PID1: variants seen among roughly 807,000 people sequenced by gnomAD.
The protein encoded by PID1 is PTB-containing, cubilin and LRP1-interacting protein.
In PID1, 10 loss-of-function variants were observed where a neutral mutation model predicts 19.1. That is an observed-to-expected ratio of 0.52 (90% CI 0.32 to 0.89). The LOEUF (loss-of-function observed/expected upper bound fraction) is 0.89. Among genes scored for constraint, PID1 ranks in the 40% least tolerant of loss-of-function variants. PID1 has a pLI of 0.03. For missense variants in PID1, 248 were observed against 285.3 expected (o/e 0.87, Z 0.94); for synonymous variants, 130 against 116.0 (o/e 1.12, Z -0.78).
intron 2 of PID1, among the ~76,000 whole-genome samples, chr2:229,035,441 T>C (rs1299673588): frequency 6.6e-6 from 1 of 151,988 alleles, no homozygotes; most frequent in African/African-American, 2.4e-5. Context: ...TCTCTCTCTC[T>C]CCCTCTCCAC....
intron 2 of PID1, among the ~76,000 whole-genome samples, chr2:229,079,301 A>G (rs1694624680): frequency 6.6e-6 from 1 of 152,214 alleles, no homozygotes; most frequent in African/African-American, 2.4e-5. Context: ...TTTATTCAAA[A>G]TATTTATTCA....
chr2:229,059,541 A>C (rs1694168966), intron 2 of PID1, among the ~76,000 whole-genome samples: 1 of 152,198 alleles, frequency 6.6e-6, no homozygotes, highest in Admixed American at 6.5e-5. Flanking sequence ...CCACAGTCTA[A>C]GGGATGCCAC....
intron 1 of PID1, among the ~76,000 whole-genome samples, chr2:229,261,002 C>T (rs1023922028): frequency 4.6e-5 from 7 of 151,962 alleles, no homozygotes; most frequent in Non-Finnish European, 7.4e-5. Context: ...AAGGTGGGCT[C>T]AACCACTAAC....
intron 2 of PID1, among the ~76,000 whole-genome samples, chr2:229,072,733 T>C (rs1443336192): frequency 6.6e-6 from 1 of 152,260 alleles, no homozygotes; most frequent in Non-Finnish European, 1.5e-5. Context: ...TGTGCTTCGC[T>C]GTTTTCAAAG....
At chr2:229,170,346 C>G (rs1690686769) in intron 1 of PID1, among the ~76,000 whole-genome samples, 1 of 152,108 alleles carries the variant, frequency 6.6e-6, no homozygotes, top group South Asian at 2.1e-4. Flanking sequence ...AGGGCAGATT[C>G]ATTTTGAGGC....
At chr2:229,258,596 G>A (rs1030553809) in intron 1 of PID1, among the ~76,000 whole-genome samples, 14 of 152,228 alleles carry the variant, frequency 9.2e-5, no homozygotes, top group African/African-American at 2.4e-4. Context: ...ATAATAAGCT[G>A]CACAATTTGA....
chr2:229,152,547 C>T (rs1472975724), intron 2 of PID1, among the ~76,000 whole-genome samples: 1 of 151,852 alleles, frequency 6.6e-6, no homozygotes, highest in East Asian at 1.9e-4. Context: ...AAAGGTGTGA[C>T]AAGCCATCAT....
chr2:229,069,098 T>C (rs978151422), intron 2 of PID1, among the ~76,000 whole-genome samples: 6 of 151,108 alleles, frequency 4.0e-5, no homozygotes, highest in South Asian at 2.1e-4. Context: ...TCCTCAATAA[T>C]AATAACAATC....
chr2:229,157,799 C>G (rs1186011443), intron 1 of PID1, among the ~76,000 whole-genome samples: 1 of 152,176 alleles, frequency 6.6e-6, no homozygotes, highest in African/African-American at 2.4e-5. Context: ...CACATCCTTT[C>G]CCGCTTGTAT....
intron 2 of PID1, among the ~76,000 whole-genome samples, chr2:229,065,712 CAAAAAA>C (rs71988256): frequency 3.8e-5 from 4 of 103,960 alleles, no homozygotes; most frequent in Admixed American, 3.7e-4. Context: ...TTGTGATTTA[CAAAAAA>C]AAAAAAAAAA....
intron 2 of PID1, among the ~76,000 whole-genome samples, chr2:229,062,257 A>G (rs1240396681): frequency 6.6e-6 from 1 of 151,926 alleles, no homozygotes; most frequent in Non-Finnish European, 1.5e-5. Flanking sequence ...GTGGAGGTAC[A>G]TTCCTTCTGT....
At chr2:229,121,647 G>C (rs1695522938) in intron 2 of PID1, among the ~76,000 whole-genome samples, 1 of 152,142 alleles carries the variant, frequency 6.6e-6, no homozygotes, top group South Asian at 2.1e-4. Context: ...TTATTCATTT[G>C]CTATGTATTC....
chr2:229,069,143 T>TTTTGTGTGTG (rs369977117), intron 2 of PID1, among the ~76,000 whole-genome samples: 22 of 140,708 alleles, frequency 1.6e-4, no homozygotes, highest in Admixed American at 1.4e-3. Context: ...AGAAGGGTTT[T>TTTTGTGTGTG]TGTGTGTGTG....
chr2:229,145,158 T>TATAC (rs1559255259), intron 2 of PID1, among the ~76,000 whole-genome samples: 444 of 32,116 alleles, frequency 0.014, 4 homozygotes, highest in African/African-American at 0.027. Flanking sequence ...TGTATGTGTA[T>TATAC]ATATATATAT....
intron 2 of PID1, among the ~76,000 whole-genome samples, chr2:229,057,509 C>T (rs902457446): frequency 6.0e-5 from 9 of 150,592 alleles, no homozygotes; most frequent in Admixed American, 1.3e-4. Flanking sequence ...AAAGAAGCTA[C>T]TGCATTTTGC....
intron 1 of PID1, among the ~76,000 whole-genome samples, chr2:229,236,843 T>C (rs931922632): frequency 2.6e-5 from 4 of 152,062 alleles, no homozygotes; most frequent in Admixed American, 1.3e-4. Flanking sequence ...ACCAGCACAA[T>C]ACCTCTTTAT....
In PID1 at chr2:229,220,749, A is replaced by G. The variant is rs149381818; in HGVS notation, c.30+50265T>C. On this transcript the variant is annotated intron_variant, in intron 1 of 2. Transcript: ENST00000392055. ...CATTAATGCAAATTAATGTTGTTACAGGTTTTTATTCCCTTTGGAGTAAAA... is the reference window on the plus strand; with the variant it reads ...CATTAATGCAAATTAATGTTGTTACGGGTTTTTATTCCCTTTGGAGTAAAA... Among the ~76,000 whole-genome samples the G allele has an allele frequency of 6.9e-3, 1,058 of 152,338 alleles. 10 individuals carry two copies. Among genetic ancestry groups the G allele is most frequent in the Middle Eastern group, 0.037 (11 of 294 alleles).
rs1026175178 is a variant in PID1, at chr2:229,153,366, G to A, written c.177+2452C>T. ...GTTGGCCCAGATTCCTGACTCCAGG[G>A]TCATGATTATCTATGCCTGGAATCG... On this transcript the variant is annotated intron_variant, in intron 2 of 2. Coordinates refer to ENST00000392055, the MANE Select transcript of PID1 (RefSeq NM_001100818.2). Among the ~76,000 whole-genome samples, 7 of 152,192 alleles carry A rather than the reference G, an allele frequency of 4.6e-5. No homozygotes were observed. The South Asian group carries it at 1.5e-3, about 32-fold the overall frequency.
chr2:229,170,048 GGT>G (rs1423334346), intron 1 of PID1, among the ~76,000 whole-genome samples: 2 of 152,132 alleles, frequency 1.3e-5, no homozygotes, highest in African/African-American at 4.8e-5. Flanking sequence ...GAGCTGACAA[GGT>G]AGCTGCTGCA....
Sources: gnomAD v4.1 joint callset for allele counts (sites outside exome capture counted in the v4.1 genomes callset) on GRCh38, gnomAD v4.1.1 for gene constraint, MANE v1.5 for transcripts, NCBI Gene and HGNC (gene_info 2026-07-23, HGNC 2026-07-21) for gene names.